TRMU: variants seen among roughly 807,000 people sequenced by gnomAD.
TRMU encodes the protein tRNA mitochondrial 2-thiouridylase.
A neutral mutation model predicts 46.9 loss-of-function variants in TRMU; 49 were observed. The observed-to-expected ratio is 1.05, with a 90% CI of 0.83 to 1.33. The LOEUF is 1.33. Ranked by LOEUF, TRMU falls within the 40% of genes most tolerant of loss-of-function variation. The pLI is 0.00. For synonymous variants in TRMU, 241 were observed against 200.9 expected (o/e 1.20, Z -1.69); for missense variants, 572 against 532.4 (o/e 1.07, Z -0.73).
chr22:46,346,611 A>G, intron 4 of TRMU, 67 bp downstream of exon 4: 3 of 1,568,050 alleles, frequency 1.9e-6, no homozygotes, highest in Non-Finnish European at 2.6e-6. Context: ...GAGGAATGAC[A>G]GTGGGTTGTG....
chr22:46,341,395 A>G (rs1439396869), intron 2 of TRMU, among the ~76,000 whole-genome samples: 2 of 151,904 alleles, frequency 1.3e-5, no homozygotes, highest in African/African-American at 4.8e-5. Context: ...AAAGAGTGTA[A>G]TAATATCAAG....
At chr22:46,356,106 C>G in intron 10 of TRMU, 34 bp downstream of exon 10, 1 of 1,611,400 alleles carries the variant, frequency 6.2e-7, no homozygotes, top group South Asian at 1.1e-5. Flanking sequence ...CCGGGGAGGA[C>G]TGTACTGCTC....
At chr22:46,355,406 G>A (rs911276616) in intron 8 of TRMU, 38 bp from the exon 9 acceptor site, 6 of 1,607,042 alleles carry the variant, frequency 3.7e-6, no homozygotes, top group Non-Finnish European at 5.1e-6. Flanking sequence ...GGGGCCAGGT[G>A]CCCCTCGGCG....
chr22:46,355,157 G>A lies in TRMU; in HGVS notation c.874-287G>A. The A allele has an allele frequency of 7.4e-6, 4 of 542,584 alleles. No homozygotes were observed. In the South Asian group the frequency reaches 8.3e-5, roughly 11 times the overall value. The allele number at this position is 542,584 out of a possible 1,614,324, so 33.6% of individuals were successfully genotyped here. ...CAGGTAGAGGGCCTGAGTCAGACTT[G>A]AACCTGCAGCATTCACTGTCATGGG... On this transcript the variant is annotated intron_variant, in intron 8 of 10. Transcript: ENST00000645190.
In TRMU at chr22:46,342,373, C is replaced by T. The variant is rs1439508383; in HGVS notation, c.249-889C>T. On this transcript the variant is annotated intron_variant, in intron 2 of 10. Transcript: ENST00000645190. The surrounding 1 kb of genome is among the most constrained non-coding windows in gnomAD (Gnocchi z 4.7). Reference sequence around the variant, plus strand: ...GTATGGGGAAAGGGTCATGGAGTGTCCACACCCTCCCTGGGGACCACCCTC... The same window carrying T: ...GTATGGGGAAAGGGTCATGGAGTGTTCACACCCTCCCTGGGGACCACCCTC... 1.3e-5 allele frequency among the ~76,000 whole-genome samples: 2 copies of T among 152,136 alleles called. No individual in the cohort carries two copies. Among genetic ancestry groups the T allele is most frequent in the Non-Finnish European group, 2.9e-5 (2 of 68,026 alleles).
At chr22:46,346,897 C>T (rs941963080) in intron 4 of TRMU, among the ~76,000 whole-genome samples, 3 of 152,244 alleles carry the variant, frequency 2.0e-5, no homozygotes, top group African/African-American at 7.2e-5. Context: ...AGCCAAGGAC[C>T]TGTACTTAGC....
chr22:46,352,101 C>T lies in TRMU; in HGVS notation c.652-20C>T, dbSNP rs764522973. 9 of 1,612,286 alleles carry T rather than the reference C, an allele frequency of 5.6e-6. No homozygotes were observed. The South Asian group carries it at 9.9e-5, about 18-fold the overall frequency. ...ACCGCCACTTCTGCTCCTCTCACGG[C>T]TGCCGTCTTCTCATTTCAGAGCATG... On this transcript the variant is annotated intron_variant, in intron 5 of 10. Transcript: ENST00000645190.
At chr22:46,344,966 C>T (rs905048582) in intron 3 of TRMU, among the ~76,000 whole-genome samples, 1 of 152,106 alleles carries the variant, frequency 6.6e-6, no homozygotes, top group Non-Finnish European at 1.5e-5. Context: ...GTGGCTGGTC[C>T]AGGATGGCTG....
In TRMU at chr22:46,350,433, T is replaced by C. The variant is rs1221846471; in HGVS notation, c.621T>C (p.Asn207=). The change falls in exon 5 of 11, where the codon AAT becomes AAC. Residue 207 remains asparagine (N), a synonymous_variant. Coordinates refer to ENST00000645190, the MANE Select transcript of TRMU (RefSeq NM_018006.5). The surrounding 1 kb of genome is among the most constrained non-coding windows in gnomAD (Gnocchi z 4.6). ...TTGTAAAGAAAATCGCTGCTGAGAA[T>C]AGACTTCATCATGTGCTTCAGAAGA... The part of the protein sequence containing the change: ...KEFVKKIAAE[N]RLHHVLQKKE... 5 of 1,613,860 alleles carry C rather than the reference T, an allele frequency of 3.1e-6. No individual in the cohort carries two copies. The African/African-American group carries it at 5.3e-5, about 17-fold the overall frequency.
Position 46,356,119 on chromosome 22 carries a change from C to T in TRMU, c.1101+47C>T, listed in dbSNP as rs372105869. ...GCCCGGGGAGGACTGTACTGCTCTG[C>T]ACCCTGCCAGGGCACCCGGGTTACA... is the stretch of plus-strand genomic sequence containing the variant. On this transcript the variant is annotated intron_variant, in intron 10 of 10. Transcript: ENST00000645190. 11 of 1,601,864 alleles carry T rather than the reference C, an allele frequency of 6.9e-6. No individual in the cohort carries two copies. The Admixed American group carries it at 1.2e-4, about 17-fold the overall frequency.
rs549834095 is a variant in TRMU at position 46,346,479 on chromosome 22, T to C, written c.413T>C (p.Val138Ala). Residue 138 changes from valine (V) to alanine (A), a missense_variant, in exon 4 of 11, where the codon GTC becomes GCC. By Grantham distance (64) the Val-to-Ala change is moderately conservative. Coordinates refer to ENST00000645190, the MANE Select transcript of TRMU (RefSeq NM_018006.5). ...AGAACTTCCCTGGAAGATGAAGAAG[T>C]CTTTGAGCAGAAGCACGTTAAGAAG... ...YARTSLEDEE[V>A]FEQKHVKKPE... 8.7e-6 allele frequency: 14 copies of C among 1,613,670 alleles called. No homozygotes were observed. The African/African-American group carries it at 1.5e-4, about 17-fold the overall frequency.
Position 46,336,391 on chromosome 22 carries a change from C to T in TRMU, c.82+545C>T, listed in dbSNP as rs1446133575. 1 of 154,234 alleles carries T rather than the reference C, an allele frequency of 6.5e-6. No individual in the cohort carries two copies. The highest frequency in any genetic ancestry group is 1.4e-5 in the Non-Finnish European group (1 of 69,518). 9.6% of individuals were successfully genotyped at this position (154,234 alleles called of 1,614,324 possible). A position where few individuals can be genotyped will look rare whatever the true frequency, so the allele number is the denominator to read the frequency against. ...TCTCCAGGAGCATTTGCATTTCTTC[C>T]GGCATCTAAACGGAGCCCCACGGGT... On this transcript the variant is annotated intron_variant, in intron 1 of 10. Transcript: ENST00000645190. The surrounding 1 kb of genome is among the most constrained non-coding windows in gnomAD (Gnocchi z 4.1).
At chr22:46,355,400 C>T in intron 8 of TRMU, 44 bp from the exon 9 acceptor site, 1 of 1,604,972 alleles carries the variant, frequency 6.2e-7, no homozygotes, top group Non-Finnish European at 8.5e-7. Flanking sequence ...GGCCTTGGGG[C>T]CAGGTGCCCC....
chr22:46,357,132 G>A lies in TRMU; in HGVS notation c.*126G>A. The A allele has an allele frequency of 7.1e-7, 1 of 1,403,268 alleles. No individual in the cohort carries two copies. The highest frequency in any genetic ancestry group is 9.8e-7 in the Non-Finnish European group (1 of 1,022,778). The allele number at this position is 1,403,268 out of a possible 1,614,324, so 86.9% of individuals were successfully genotyped here. Reference sequence around the variant, plus strand: ...GCAGAGGAAGCCGGGCTGGCTGAGGGTCCGAAAAGCCTGCAGGGGCCCGGC... The same window carrying A: ...GCAGAGGAAGCCGGGCTGGCTGAGGATCCGAAAAGCCTGCAGGGGCCCGGC... On this transcript the variant is annotated 3_prime_UTR_variant, in exon 11 of 11. Coordinates refer to ENST00000645190, the MANE Select transcript of TRMU (RefSeq NM_018006.5).
chr22:46,342,943 C>A lies in TRMU; in HGVS notation c.249-319C>A, dbSNP rs1371358169. On this transcript the variant is annotated intron_variant, in intron 2 of 10. Coordinates refer to ENST00000645190, the MANE Select transcript of TRMU (RefSeq NM_018006.5). This position sits in a 1 kb window ranked among gnomAD's most constrained non-coding sequence, Gnocchi z 4.7. The stretch of plus-strand genomic sequence containing the variant: ...TCTTCTCTTCCTCACCTAAGCCCTG[C>A]TGTGTTGGAGGAGTCCCAGAGGCAG... Among the ~76,000 whole-genome samples the A allele has an allele frequency of 6.6e-6, 1 of 152,242 alleles. No homozygotes were observed.
In TRMU at chr22:46,352,187, C is replaced by T. The variant is rs755898860; in HGVS notation, c.705+13C>T. 2 of 1,614,210 alleles carry T rather than the reference C, an allele frequency of 1.2e-6. No homozygotes were observed. The highest frequency in any genetic ancestry group is 1.7e-5 in the Admixed American group (1 of 60,028). On this transcript the variant is annotated intron_variant, in intron 6 of 10. Transcript: ENST00000645190. ...TTTCCTTCTTCAGGTGCGTGCTGCTCTTTGACACAAAGAGATGGGGCTGCG... is the reference window on the plus strand; with the variant it reads ...TTTCCTTCTTCAGGTGCGTGCTGCTTTTTGACACAAAGAGATGGGGCTGCG...
intron 10 of TRMU, chr22:46,356,329 C>G: frequency 1.9e-6 from 1 of 535,278 alleles, no homozygotes. Context: ...TGCCCGGGCC[C>G]CAGAAGCGAG....
In TRMU at chr22:46,345,365, C is replaced by T. The variant is rs2294537; in HGVS notation, c.356-1057C>T. On this transcript the variant is annotated intron_variant, in intron 3 of 10. Transcript: ENST00000645190. ...CTGGGATGACAGGCGTGAGCCGCTG[C>T]GCCTGGCCCAAATATCTGGAATTTT... is the stretch of plus-strand genomic sequence containing the variant. Among the ~76,000 whole-genome samples the T allele has an allele frequency of 8.9e-4, 135 of 152,320 alleles. 1 individual carries two copies. The East Asian group carries it at 0.021, about 24-fold the overall frequency.
rs1351875080 is a variant in TRMU at position 46,350,464 on chromosome 22, G to C, written c.651+1G>C. 6.2e-7 allele frequency: 1 copy of C among 1,613,302 alleles called. No homozygotes were observed. The highest frequency in any genetic ancestry group is 8.5e-7 in the Non-Finnish European group (1 of 1,179,978). The stretch of plus-strand genomic sequence containing the variant: ...TCATCATGTGCTTCAGAAGAAAGAG[G>C]TACGAGTGAGCAGTTGCCTTTGATT... On this transcript the variant is annotated splice_donor_variant, in intron 5 of 10. Transcript: ENST00000645190. LOFTEE classifies it high-confidence loss of function. This position sits in a 1 kb window ranked among gnomAD's most constrained non-coding sequence, Gnocchi z 4.6.
Sources: gnomAD v4.1 joint callset for allele counts (sites outside exome capture counted in the v4.1 genomes callset) on GRCh38, gnomAD v4.1.1 for gene constraint, Gnocchi (gnomAD v3.1) non-coding constraint, MANE v1.5 for transcripts, NCBI Gene and HGNC (gene_info 2026-07-23, HGNC 2026-07-21) for gene names.